NLGN4X: variants seen among roughly 807,000 people sequenced by gnomAD.
NLGN4X encodes neuroligin 4 X-linked.
A neutral mutation model predicts 40.3 loss-of-function variants in NLGN4X; 3 were observed. That is an observed-to-expected ratio of 0.07 (90% CI 0.03 to 0.19). NLGN4X has a LOEUF of 0.19. Ranked by LOEUF, NLGN4X falls within the 10% of genes least tolerant of loss-of-function variation. NLGN4X has a pLI of 1.00. For missense variants in NLGN4X, 382 were observed against 708.3 expected, an observed-to-expected ratio of 0.54 and a Z score of 5.23; for synonymous variants, 270 against 306.8, an observed-to-expected ratio of 0.88 and a Z score of 1.25.
chrX:6,095,131 GTGTGTGTGTGTGT>G (rs2038739916), intron 2 of NLGN4X, among the ~76,000 whole-genome samples: 2 of 103,489 alleles, frequency 1.9e-5, no homozygotes, highest in African/African-American at 7.6e-5. Context: ...GTGTGTGTGT[GTGTGTGTGTGTGT>G]GTGTGTAATT....
chrX:6,227,686 T>C (rs1265536712), intron 1 of NLGN4X: 1 of 111,205 alleles, frequency 9.0e-6, no homozygotes, highest in Non-Finnish European at 1.9e-5. Context: ...AGCCCGGAGC[T>C]ACCGTCATTT....
chrX:6,102,205 A>G (rs1422179061), intron 2 of NLGN4X, among the ~76,000 whole-genome samples: 1 of 111,929 alleles, frequency 8.9e-6, no homozygotes, highest in Non-Finnish European at 1.9e-5. Flanking sequence ...ATTTTCTATG[A>G]TATGATTATT....
At chrX:5,975,800 G>A (rs1169660174) in intron 3 of NLGN4X, among the ~76,000 whole-genome samples, 1 of 110,637 alleles carries the variant, frequency 9.0e-6, no homozygotes, top group Non-Finnish European at 1.9e-5. Flanking sequence ...TGCTTGACAA[G>A]AGATAATGTT....
chrX:6,136,997 C>T (rs771124267), intron 2 of NLGN4X, among the ~76,000 whole-genome samples: 21 of 112,503 alleles, frequency 1.9e-4, no homozygotes, highest in African/African-American at 6.4e-4. Context: ...GCAGAATATA[C>T]CTAATCCAGA....
At chrX:6,055,617 CAAAT>C (rs2037605004) in intron 2 of NLGN4X, among the ~76,000 whole-genome samples, 1 of 104,125 alleles carries the variant, frequency 9.6e-6, no homozygotes, top group African/African-American at 3.5e-5. Flanking sequence ...GTACATGTAT[CAAAT>C]AAAAGTTGAA....
At chrX:5,941,200 T>G (rs1278961104) in intron 3 of NLGN4X, among the ~76,000 whole-genome samples, 1 of 96,030 alleles carries the variant, frequency 1.0e-5, no homozygotes, top group Middle Eastern at 5.1e-3. Flanking sequence ...TGTGTGTGTG[T>G]GTGTGTGTGT....
At chrX:6,008,020 GGAC>G (rs2147147191) in intron 3 of NLGN4X, among the ~76,000 whole-genome samples, 1 of 111,732 alleles carries the variant, frequency 8.9e-6, no homozygotes, top group Non-Finnish European at 1.9e-5. Context: ...GCTCCTTTCA[GGAC>G]CTTTCTACAC....
At chrX:6,061,495 T>C (rs2037770343) in intron 2 of NLGN4X, 1 of 112,209 alleles carries the variant, frequency 8.9e-6, no homozygotes, top group Non-Finnish European at 1.9e-5. Context: ...TTGATATTGA[T>C]TCCAATTTTA....
intron 3 of NLGN4X, among the ~76,000 whole-genome samples, chrX:5,920,494 A>G (rs145917208): frequency 0.018 from 2,069 of 111,985 alleles, 49 homozygotes; most frequent in African/African-American, 0.062. Flanking sequence ...CCTGGCTTTA[A>G]CCAGGTTAGT....
intron 2 of NLGN4X, among the ~76,000 whole-genome samples, chrX:6,133,840 G>A (rs2039744287): frequency 1.8e-5 from 2 of 111,609 alleles, no homozygotes; most frequent in Admixed American, 1.9e-4. Context: ...TTTACATCAG[G>A]GGTCAGAAAA....
intron 2 of NLGN4X, among the ~76,000 whole-genome samples, chrX:6,031,291 T>C (rs995201763): frequency 8.9e-6 from 1 of 111,810 alleles, no homozygotes; most frequent in Non-Finnish European, 1.9e-5. Flanking sequence ...TGCTCAATAC[T>C]GATAAAATGT....
chrX:6,185,959 C>A, intron 1 of NLGN4X, among the ~76,000 whole-genome samples: 1 of 112,341 alleles, frequency 8.9e-6, no homozygotes, highest in Non-Finnish European at 1.9e-5. Flanking sequence ...CCAGGCCCCA[C>A]TCATCCATAC....
intron 1 of NLGN4X, among the ~76,000 whole-genome samples, chrX:6,155,240 G>C (rs1451358141): frequency 9.0e-6 from 1 of 111,685 alleles, no homozygotes; most frequent in Non-Finnish European, 1.9e-5. Flanking sequence ...GCTGCCAGGA[G>C]GTTTCTGAGA....
chrX:6,043,681 C>T (rs975659943), intron 2 of NLGN4X, among the ~76,000 whole-genome samples: 1 of 111,707 alleles, frequency 9.0e-6, no homozygotes, highest in Non-Finnish European at 1.9e-5. Context: ...TCGCCCTTAG[C>T]GTTTCTTGTG....
At chrX:6,061,171 T>C (rs1352603920) in intron 2 of NLGN4X, among the ~76,000 whole-genome samples, 1 of 111,539 alleles carries the variant, frequency 9.0e-6, no homozygotes, top group Admixed American at 9.6e-5. Flanking sequence ...AATAAATGAG[T>C]CTTCTCCATC....
chrX:5,915,958 T>C (rs778913945), intron 3 of NLGN4X, among the ~76,000 whole-genome samples: 1 of 112,080 alleles, frequency 8.9e-6, no homozygotes, highest in Admixed American at 9.5e-5. Flanking sequence ...AGCTTGTACA[T>C]CTTGTCCCTC....
In NLGN4X at chrX:6,024,185, T is replaced by C. The variant is rs115297117; in HGVS notation, c.625+5095A>G. Reference sequence around the variant, plus strand: ...TACCTGGATTAATGTCTAATCTTCTTAGGGGTAAATGATACGTATGGATGT... The same window carrying C: ...TACCTGGATTAATGTCTAATCTTCTCAGGGGTAAATGATACGTATGGATGT... On this transcript the variant is annotated intron_variant, in intron 3 of 5. Transcript: ENST00000381095. 4.1e-3 allele frequency among the ~76,000 whole-genome samples: 454 copies of C among 111,657 alleles called. 5 individuals are homozygous for C. The highest frequency in any genetic ancestry group is 0.014 in the African/African-American group (429 of 30,704).
chrX:5,942,503 G>A (rs1177412415), intron 3 of NLGN4X, among the ~76,000 whole-genome samples: 2 of 110,547 alleles, frequency 1.8e-5, no homozygotes, highest in Non-Finnish European at 3.8e-5. Context: ...CCAACATGGC[G>A]AAACCTCGTC....
At chrX:6,019,063 G>A (rs2036467821) in intron 3 of NLGN4X, among the ~76,000 whole-genome samples, 1 of 111,913 alleles carries the variant, frequency 8.9e-6, no homozygotes, top group Admixed American at 9.4e-5. Context: ...TAAATGCAGG[G>A]TGTACCTGCC....
Sources: gnomAD v4.1 joint callset for allele counts (sites outside exome capture counted in the v4.1 genomes callset) on GRCh38, gnomAD v4.1.1 for gene constraint, MANE v1.5 for transcripts, NCBI Gene and HGNC (gene_info 2026-07-23, HGNC 2026-07-21) for gene names.